Variants in BNC2 observed in about 807,000 individuals in gnomAD.
BNC2 encodes the protein basonuclin zinc finger protein 2.
BNC2 carries 20 observed loss-of-function variants against 76.3 expected under a neutral mutation model. The ratio of observed to expected loss-of-function variants is 0.26; its 90% CI spans 0.18 to 0.38. BNC2 has a LOEUF of 0.38. Ranked by LOEUF, BNC2 falls within the 10% of genes least tolerant of loss-of-function variation. The probability of loss-of-function intolerance (pLI) is 1.00; values close to 1 mark genes in which losing one functional copy is unlikely to be tolerated. For missense variants in BNC2, 1,382 were observed against 1,399.8 expected (o/e 0.99, Z 0.20); for synonymous variants, 582 against 514.8 (o/e 1.13, Z -1.77).
At chr9:16,518,647 C>T (rs1159663315) in intron 5 of BNC2, among the ~76,000 whole-genome samples, 1 of 151,946 alleles carries the variant, frequency 6.6e-6, no homozygotes, top group African/African-American at 2.4e-5. Flanking sequence ...CAGAGTCTTG[C>T]TGGAGTGCAG....
At chr9:16,845,897 C>T (rs1285057063) in intron 1 of BNC2, among the ~76,000 whole-genome samples, 1 of 152,072 alleles carries the variant, frequency 6.6e-6, no homozygotes, top group East Asian at 1.9e-4. Flanking sequence ...CGCCTGTAAT[C>T]CCAGCACTTT....
At chr9:16,816,729 T>C (rs972229433) in intron 1 of BNC2, among the ~76,000 whole-genome samples, 32 of 152,190 alleles carry the variant, frequency 2.1e-4, no homozygotes, top group Non-Finnish European at 2.9e-5. Flanking sequence ...GTGCTTTTTC[T>C]TTTTTCCTTA....
intron 3 of BNC2, among the ~76,000 whole-genome samples, chr9:16,649,740 T>G (rs1183671074): frequency 6.6e-6 from 1 of 152,174 alleles, no homozygotes; most frequent in Non-Finnish European, 1.5e-5. Context: ...AAAATTTTGT[T>G]CCAGATGATA....
chr9:16,716,834 A>G (rs754907704), intron 3 of BNC2, among the ~76,000 whole-genome samples: 2 of 152,138 alleles, frequency 1.3e-5, no homozygotes, highest in Non-Finnish European at 2.9e-5. Context: ...TTTTTCTTCC[A>G]TTTTTACCTA....
chr9:16,590,136 A>C (rs1356612834), intron 3 of BNC2, among the ~76,000 whole-genome samples: 12 of 152,110 alleles, frequency 7.9e-5, no homozygotes, highest in Admixed American at 7.9e-4. Context: ...GCGGTAAAAG[A>C]AAATGCATCA....
chr9:16,699,959 A>G (rs371094455), intron 3 of BNC2, among the ~76,000 whole-genome samples: 83 of 152,358 alleles, frequency 5.4e-4, no homozygotes, highest in African/African-American at 1.9e-3. Flanking sequence ...AATTTGTTTT[A>G]CAAGCAATTT....
chr9:16,831,128 A>G (rs921723633), intron 1 of BNC2, among the ~76,000 whole-genome samples: 1 of 152,248 alleles, frequency 6.6e-6, no homozygotes, highest in African/African-American at 2.4e-5. Context: ...GGCAACCTAC[A>G]AAAAAGAAAT....
intron 1 of BNC2, among the ~76,000 whole-genome samples, chr9:16,860,447 T>C (rs1819370150): frequency 6.6e-6 from 1 of 152,178 alleles, no homozygotes; most frequent in Non-Finnish European, 1.5e-5. Flanking sequence ...AAAACTGTCT[T>C]TTCAACAAAT....
chr9:16,791,342 T>A (rs1001170825), intron 1 of BNC2, among the ~76,000 whole-genome samples: 4 of 152,206 alleles, frequency 2.6e-5, no homozygotes, highest in Non-Finnish European at 5.9e-5. Flanking sequence ...ATTACAGGCA[T>A]GAGCCACCGC....
rs748081687 is a variant in BNC2, at chr9:16,462,676, G to A, written c.670-25152C>T. On this transcript the variant is annotated intron_variant, in intron 5 of 6. Transcript: ENST00000380672. ...ATCATACCTCTTCCACAATGGAAAT[G>A]GCGGGGGAGACAGAACCTATCATCA... 3.3e-5 allele frequency among the ~76,000 whole-genome samples: 5 copies of A among 152,176 alleles called. No homozygotes were observed. The South Asian group carries it at 6.2e-4, about 19-fold the overall frequency.
At chr9:16,548,009 C>A (rs1189471256) in intron 5 of BNC2, among the ~76,000 whole-genome samples, 1 of 152,140 alleles carries the variant, frequency 6.6e-6, no homozygotes, top group Non-Finnish European at 1.5e-5. Flanking sequence ...TTCTAATGTA[C>A]CAATTGTGCT....
At chr9:16,852,465 A>C (rs1366097973) in intron 1 of BNC2, among the ~76,000 whole-genome samples, 1 of 152,254 alleles carries the variant, frequency 6.6e-6, no homozygotes, top group South Asian at 2.1e-4. Flanking sequence ...GTTCATATTC[A>C]CAAGGACAAT....
chr9:16,700,645 C>A (rs552540111), intron 3 of BNC2, among the ~76,000 whole-genome samples: 5 of 152,144 alleles, frequency 3.3e-5, no homozygotes, highest in African/African-American at 1.2e-4. Flanking sequence ...ACCCCACAGT[C>A]TTTCATAAGC....
rs955605277 is a variant in BNC2, at chr9:16,412,335, A to G, written c.*6654T>C. On this transcript the variant is annotated 3_prime_UTR_variant, in exon 7 of 7. Coordinates refer to ENST00000380672, the MANE Select transcript of BNC2 (RefSeq NM_017637.6). ...GGTTTGATGCCAAGGATAAGAAAAA[A>G]AAATGACCACTGTGCGTAACCAGTT... is the stretch of plus-strand genomic sequence containing the variant. 1 of 152,648 alleles carries G rather than the reference A, an allele frequency of 6.6e-6. No homozygotes were observed. The highest frequency in any genetic ancestry group is 1.5e-5 in the Non-Finnish European group (1 of 68,034). The allele number at this position is 152,648 out of a possible 1,614,324, so 9.5% of individuals were successfully genotyped here.
chr9:16,634,885 GTTT>G (rs59933674), intron 3 of BNC2, among the ~76,000 whole-genome samples: 2 of 149,520 alleles, frequency 1.3e-5, no homozygotes, highest in East Asian at 3.9e-4. Flanking sequence ...TAATAAAGGT[GTTT>G]TTTTTTTTCT....
chr9:16,432,238 G>A (rs943370447), intron 6 of BNC2, among the ~76,000 whole-genome samples: 5 of 152,148 alleles, frequency 3.3e-5, no homozygotes, highest in African/African-American at 1.2e-4. Flanking sequence ...ACTGTTGCTT[G>A]GAATCTTCAG....
intron 6 of BNC2, among the ~76,000 whole-genome samples, chr9:16,420,781 A>G (rs1820694777): frequency 6.6e-6 from 1 of 152,112 alleles, no homozygotes; most frequent in Admixed American, 6.5e-5. Context: ...CTGATATGTT[A>G]TCATCTATCT....
chr9:16,823,863 T>C (rs1376676465), intron 1 of BNC2, among the ~76,000 whole-genome samples: 2 of 152,186 alleles, frequency 1.3e-5, no homozygotes, highest in African/African-American at 4.8e-5. Flanking sequence ...TCCTTCTCTG[T>C]GGAGGTGATT....
At chr9:16,840,578 T>C (rs1331281259) in intron 1 of BNC2, among the ~76,000 whole-genome samples, 3 of 152,178 alleles carry the variant, frequency 2.0e-5, no homozygotes, top group Non-Finnish European at 2.9e-5. Context: ...AATACGCACA[T>C]CTGTGACAAA....
Sources: gnomAD v4.1 joint callset for allele counts (sites outside exome capture counted in the v4.1 genomes callset) on GRCh38, gnomAD v4.1.1 for gene constraint, MANE v1.5 for transcripts, NCBI Gene and HGNC (gene_info 2026-07-23, HGNC 2026-07-21) for gene names.